The following TBCA variants were observed in gnomAD, a reference collection of about 807,000 sequenced individuals.
TBCA encodes tubulin-specific chaperone A.
Under a neutral mutation model 15.8 loss-of-function variants are expected in TBCA, and 6 were observed. The observed-to-expected ratio is 0.38, with a 90% CI of 0.21 to 0.75. TBCA has a LOEUF of 0.75. Ranked by LOEUF, TBCA falls within the 30% of genes least tolerant of loss-of-function variation. The pLI is 0.46. For missense variants in TBCA, 90 were observed against 131.2 expected (o/e 0.69, Z 1.53); for synonymous variants, 32 against 42.3 (o/e 0.76, Z 0.94).
At chr5:77,701,646 T>C (rs1480819318) in intron 2 of TBCA, among the ~76,000 whole-genome samples, 1 of 143,478 alleles carries the variant, frequency 7.0e-6, no homozygotes, top group Non-Finnish European at 1.5e-5. Flanking sequence ...CCAACCCGAA[T>C]GTCCATCAAT....
chr5:77,751,456 C>T (rs1302769954), intron 1 of TBCA, among the ~76,000 whole-genome samples: 2 of 151,832 alleles, frequency 1.3e-5, no homozygotes, highest in Non-Finnish European at 2.9e-5. Context: ...TGGGATTACA[C>T]GCATGAGCCA....
intron 1 of TBCA, among the ~76,000 whole-genome samples, chr5:77,709,664 A>C (rs1003514329): frequency 6.6e-6 from 1 of 152,178 alleles, no homozygotes; most frequent in African/African-American, 2.4e-5. Context: ...ATATGTCCTG[A>C]CAATTCCATT....
chr5:77,693,052 T>C (rs1212285416), intron 3 of TBCA: 2 of 1,431,894 alleles, frequency 1.4e-6, no homozygotes, highest in African/African-American at 2.9e-5. Context: ...TTTAATAAAC[T>C]GAACAAACAT....
At chr5:77,727,700 AAT>A (rs1373841403) in intron 1 of TBCA, among the ~76,000 whole-genome samples, 5 of 152,208 alleles carry the variant, frequency 3.3e-5, no homozygotes, top group African/African-American at 9.6e-5. Context: ...TCAAAAAGCA[AAT>A]AGAGTCAATA....
rs1491484828 is a variant in TBCA, at chr5:77,732,963, CAT to C, written c.54-24618_54-24617del. On this transcript the variant is annotated intron_variant, in intron 1 of 3. Coordinates refer to ENST00000380377, the MANE Select transcript of TBCA (RefSeq NM_004607.3). The stretch of plus-strand genomic sequence containing the variant: ...AGTGTTCAAGTGAAAGGAAGAATCA[CAT>C]GTCTCTAACTTTACATCAAAAGTTA... 1.2e-4 allele frequency among the ~76,000 whole-genome samples: 19 copies of C among 152,132 alleles called. 1 individual carries two copies. The highest frequency in any genetic ancestry group is 2.5e-4 in the Non-Finnish European group (17 of 68,030).
intron 3 of TBCA, 22 bp downstream of exon 3, chr5:77,693,244 T>C: frequency 6.2e-7 from 1 of 1,612,632 alleles, no homozygotes; most frequent in Non-Finnish European, 8.5e-7. Context: ...AATTTAAACA[T>C]GACACAGAAG....
intron 1 of TBCA, among the ~76,000 whole-genome samples, chr5:77,711,733 A>T (rs1746282022): frequency 6.6e-6 from 1 of 152,200 alleles, no homozygotes; most frequent in Non-Finnish European, 1.5e-5. Flanking sequence ...GATAATTCTG[A>T]CTGGTAATCC....
At chr5:77,698,087 T>C (rs1040876464) in intron 2 of TBCA, among the ~76,000 whole-genome samples, 1 of 150,960 alleles carries the variant, frequency 6.6e-6, no homozygotes, top group African/African-American at 2.4e-5. Flanking sequence ...ACCACTGCAC[T>C]CCAGCCTGGG....
rs1322717566 is a variant in TBCA, at chr5:77,704,583, A to C, written c.159+3659T>G. On this transcript the variant is annotated intron_variant, in intron 2 of 3. Transcript: ENST00000380377. ...TGTCTTGATATTTTCTATGAAAGGC[A>C]CAATAAATGTTAAGAAAACCATTGC... 5.3e-5 allele frequency among the ~76,000 whole-genome samples: 8 copies of C among 152,338 alleles called. No individual in the cohort carries two copies. In the East Asian group the frequency reaches 1.5e-3, roughly 29 times the overall value.
chr5:77,724,959 A>G (rs1746599873), intron 1 of TBCA, among the ~76,000 whole-genome samples: 1 of 152,210 alleles, frequency 6.6e-6, no homozygotes. Flanking sequence ...ATCAACTATT[A>G]AAAGACTGTC....
At chr5:77,775,620 A>C (rs929585946) in intron 1 of TBCA, among the ~76,000 whole-genome samples, 11 of 152,210 alleles carry the variant, frequency 7.2e-5, no homozygotes, top group Admixed American at 1.3e-4. Context: ...GCTTCGGGGA[A>C]TCTGACTGGA....
chr5:77,708,165 G>T, intron 2 of TBCA, 77 bp downstream of exon 2: 3 of 913,706 alleles, frequency 3.3e-6, no homozygotes, highest in South Asian at 3.3e-5. Context: ...CTCAGTCAGA[G>T]GACTACTGTA....
intron 1 of TBCA, among the ~76,000 whole-genome samples, chr5:77,739,803 T>A (rs1002242171): frequency 2.6e-4 from 39 of 152,134 alleles, no homozygotes; most frequent in Admixed American, 9.2e-4. Flanking sequence ...AAAAAGACAC[T>A]AAGGAATTCC....
chr5:77,750,682 A>T (rs1200991417), intron 1 of TBCA, among the ~76,000 whole-genome samples: 1 of 152,224 alleles, frequency 6.6e-6, no homozygotes, highest in Non-Finnish European at 1.5e-5. Context: ...AACTCAAAAT[A>T]TCAGAGACAA....
At chr5:77,694,959 C>A (rs1437310046) in intron 2 of TBCA, among the ~76,000 whole-genome samples, 1 of 152,118 alleles carries the variant, frequency 6.6e-6, no homozygotes. Context: ...CACATTTAAC[C>A]ACTGCCATTA....
chr5:77,770,072 T>C (rs1360567250), intron 1 of TBCA, among the ~76,000 whole-genome samples: 3 of 152,238 alleles, frequency 2.0e-5, no homozygotes, highest in East Asian at 1.9e-4. Context: ...TAACCTTTTA[T>C]GTTAAATGAT....
At chr5:77,706,702 C>T (rs1746157451) in intron 2 of TBCA, among the ~76,000 whole-genome samples, 1 of 150,430 alleles carries the variant, frequency 6.6e-6, no homozygotes, top group South Asian at 2.1e-4. Context: ...ATCCCAGCTT[C>T]TTGGGAGGCT....
intron 1 of TBCA, among the ~76,000 whole-genome samples, chr5:77,760,431 C>T (rs1328878960): frequency 6.6e-6 from 1 of 152,006 alleles, no homozygotes; most frequent in Non-Finnish European, 1.5e-5. Flanking sequence ...CCTTTCCTCT[C>T]CTTTCTTTCT....
Position 77,716,177 on chromosome 5 carries a change from T to C in TBCA, c.54-7830A>G, listed in dbSNP as rs920253192. ...AAATAGAAGTTAATGAAGACATCAA[T>C]ATTTCAGAAATGAATAAAATCTAAG... On this transcript the variant is annotated intron_variant, in intron 1 of 3. Transcript: ENST00000380377. Among the ~76,000 whole-genome samples the C allele has an allele frequency of 2.0e-5, 3 of 152,216 alleles. 1 individual carries two copies. Among genetic ancestry groups the C allele is most frequent in the African/African-American group, 7.2e-5 (3 of 41,456 alleles).
Sources: gnomAD v4.1 joint callset for allele counts (sites outside exome capture counted in the v4.1 genomes callset) on GRCh38, gnomAD v4.1.1 for gene constraint, MANE v1.5 for transcripts, NCBI Gene and HGNC (gene_info 2026-07-23, HGNC 2026-07-21) for gene names.